PKP2: variants seen among roughly 807,000 people sequenced by gnomAD.
PKP2 encodes plakophilin 2, also known as plakophilin-2.
A neutral mutation model predicts 83.4 loss-of-function variants in PKP2; 73 were observed. That is an observed-to-expected ratio of 0.88 (90% CI 0.72 to 1.06). The LOEUF (loss-of-function observed/expected upper bound fraction) is 1.06, where lower values mean the gene tolerates loss of function less well. PKP2 is among the 50% of genes least tolerant of loss of function. PKP2 has a pLI of 0.00. For synonymous variants in PKP2, 409 were observed against 430.4 expected (o/e 0.95, Z 0.62); for missense variants, 966 against 1,065.4 (o/e 0.91, Z 1.30).
In PKP2 at chr12:32,791,992, C is replaced by A. The variant is rs1956071524; in HGVS notation, c.*432G>T. On this transcript the variant is annotated 3_prime_UTR_variant, in exon 13 of 13. Coordinates refer to ENST00000340811, the MANE Select transcript of PKP2 (RefSeq NM_001005242.3). ...TCCATTCTGTTTCAACACTGCAGAA[C>A]AATACACTGGAGGCCCAATGGCGAA... 7.2e-6 allele frequency: 2 copies of A among 276,068 alleles called. No individual in the cohort carries two copies. The highest frequency in any genetic ancestry group is 1.4e-5 in the Non-Finnish European group (2 of 143,406). 17.1% of individuals were successfully genotyped at this position (276,068 alleles called of 1,614,324 possible).
At chr12:32,845,400 A>T (rs1458208263) in intron 5 of PKP2, among the ~76,000 whole-genome samples, 1 of 152,034 alleles carries the variant, frequency 6.6e-6, no homozygotes, top group Admixed American at 6.6e-5. Context: ...AATACAAAAA[A>T]AATTAGCCAG....
chr12:32,837,243 A>G (rs1022098251), intron 6 of PKP2, among the ~76,000 whole-genome samples: 2 of 152,182 alleles, frequency 1.3e-5, no homozygotes, highest in African/African-American at 4.8e-5. Flanking sequence ...ACAAATACTA[A>G]TGTATCTAGC....
intron 6 of PKP2, among the ~76,000 whole-genome samples, chr12:32,838,089 T>C (rs931713930): frequency 4.6e-5 from 7 of 152,084 alleles, no homozygotes; most frequent in African/African-American, 7.2e-5. Context: ...TTCCCATCAA[T>C]AGGGGACTGG....
intron 3 of PKP2, among the ~76,000 whole-genome samples, chr12:32,876,761 C>T (rs944536893): frequency 6.6e-6 from 1 of 152,214 alleles, no homozygotes; most frequent in African/African-American, 2.4e-5. Context: ...AACTCCTAAA[C>T]TCAAGTGATT....
chr12:32,793,719 C>T (rs1175986241), intron 11 of PKP2, among the ~76,000 whole-genome samples: 1 of 150,298 alleles, frequency 6.7e-6, no homozygotes, highest in African/African-American at 2.5e-5. Context: ...CCTCAGCCTC[C>T]GAAGTAGCTG....
At position 32,822,634 on chromosome 12, in the gene PKP2, G is replaced by C. The variant is rs1592737932; in HGVS notation, c.1675-3C>G. 3 of 1,613,846 alleles carry C rather than the reference G, an allele frequency of 1.9e-6. No homozygotes were observed. Among genetic ancestry groups the C allele is most frequent in the Non-Finnish European group, 2.5e-6 (3 of 1,179,806 alleles). On this transcript the variant is annotated splice_region_variant and splice_polypyrimidine_tract_variant and intron_variant, in intron 7 of 12. Coordinates refer to ENST00000340811, the MANE Select transcript of PKP2 (RefSeq NM_001005242.3). ...ATGCACACACAATTCTCCGTGGCCT[G>C]AGAAAACAGGACAAGAATATTGATC...
intron 8 of PKP2, 96 bp downstream of exon 8, chr12:32,822,371 G>C: frequency 9.8e-7 from 1 of 1,021,054 alleles, no homozygotes; most frequent in Non-Finnish European, 1.5e-6. Context: ...AAATAGTGCC[G>C]ATATATACCA....
intron 1 of PKP2, among the ~76,000 whole-genome samples, chr12:32,884,100 T>G (rs1260144944): frequency 6.6e-6 from 1 of 152,196 alleles, no homozygotes; most frequent in African/African-American, 2.4e-5. Flanking sequence ...TCCCTCAGTT[T>G]ATTACCATTA....
intron 4 of PKP2, among the ~76,000 whole-genome samples, chr12:32,867,189 A>G (rs946390480): frequency 6.6e-6 from 1 of 152,104 alleles, no homozygotes; most frequent in Non-Finnish European, 1.5e-5. Context: ...TTAGCTGGGC[A>G]TGGTTGTGTG....
chr12:32,852,293 C>A (rs1956706178), intron 4 of PKP2, among the ~76,000 whole-genome samples: 1 of 152,202 alleles, frequency 6.6e-6, no homozygotes, highest in Non-Finnish European at 1.5e-5. Context: ...CAGCGGAGAG[C>A]TGCACGCCTG....
chr12:32,803,569 A>C (rs988082807), intron 9 of PKP2, among the ~76,000 whole-genome samples: 1 of 152,094 alleles, frequency 6.6e-6, no homozygotes, highest in Non-Finnish European at 1.5e-5. Context: ...TATCTCCTTT[A>C]GCTATTTGTG....
In PKP2 at chr12:32,832,206, G is replaced by A. The variant is rs184884979; in HGVS notation, c.1557-8044C>T. Among the ~76,000 whole-genome samples, 557 of 151,928 alleles carry A rather than the reference G, an allele frequency of 3.7e-3. 1 individual carries two copies. Among genetic ancestry groups the A allele is most frequent in the Non-Finnish European group, 4.3e-3 (293 of 67,958 alleles). ...ATCCTGGCCAACATGGTGAAACCCC[G>A]TCTCTACTAAAAATACAAAAAATTA... On this transcript the variant is annotated intron_variant, in intron 6 of 12. Transcript: ENST00000340811.
chr12:32,826,444 C>CA (rs1167061788), intron 6 of PKP2, among the ~76,000 whole-genome samples: 1 of 152,002 alleles, frequency 6.6e-6, no homozygotes, highest in African/African-American at 2.4e-5. Flanking sequence ...TCAAAAATGG[C>CA]AATTTCATGA....
At chr12:32,858,478 A>C (rs1404418192) in intron 4 of PKP2, among the ~76,000 whole-genome samples, 1 of 152,166 alleles carries the variant, frequency 6.6e-6, no homozygotes, top group Non-Finnish European at 1.5e-5. Flanking sequence ...TTCCTACGGA[A>C]CAAATAGGCA....
chr12:32,817,849 C>T lies in PKP2; in HGVS notation c.2013+3507G>A, dbSNP rs540745850. Among the ~76,000 whole-genome samples, 46 of 152,280 alleles carry T rather than the reference C, an allele frequency of 3.0e-4. 1 individual carries two copies. The highest frequency in any genetic ancestry group is 6.5e-4 in the Admixed American group (10 of 15,292). On this transcript the variant is annotated intron_variant, in intron 9 of 12. Transcript: ENST00000340811. The stretch of plus-strand genomic sequence containing the variant: ...AGTCCGTGGACTGTTAGGAACCCGC[C>T]GCACAGCAGAAAGTGAGCAGTGAGC...
At chr12:32,887,904 G>A (rs1957044043) in intron 1 of PKP2, among the ~76,000 whole-genome samples, 2 of 152,260 alleles carry the variant, frequency 1.3e-5, no homozygotes, top group South Asian at 4.1e-4. Flanking sequence ...TCTCAGCCAG[G>A]CACGGTGGCT....
intron 6 of PKP2, among the ~76,000 whole-genome samples, chr12:32,830,336 C>T (rs948800324): frequency 6.6e-6 from 1 of 152,154 alleles, no homozygotes; most frequent in Non-Finnish European, 1.5e-5. Context: ...AAAGGGGAGC[C>T]TCATTTGAAC....
At chr12:32,876,732 G>A (rs192085413) in intron 3 of PKP2, among the ~76,000 whole-genome samples, 2 of 152,272 alleles carry the variant, frequency 1.3e-5, no homozygotes, top group East Asian at 3.9e-4. Context: ...GTTTCATCAT[G>A]TTGCCCAGGC....
chr12:32,842,735 C>T (rs537917591), intron 5 of PKP2, among the ~76,000 whole-genome samples: 9 of 152,022 alleles, frequency 5.9e-5, no homozygotes, highest in East Asian at 1.9e-4. Flanking sequence ...AGTGCGGTGG[C>T]GCAATCTCGG....
Sources: allele counts gnomAD v4.1 joint callset (sites outside exome capture counted in the v4.1 genomes callset), GRCh38; gene constraint gnomAD v4.1.1; transcripts MANE v1.5; gene names NCBI Gene and HGNC (gene_info 2026-07-23, HGNC 2026-07-21).